Variants in TTN observed in about 807,000 individuals in gnomAD.
TTN encodes the protein connectin.
TTN carries 1,525 observed loss-of-function variants against 3,223.0 expected under a neutral mutation model. The ratio of observed to expected loss-of-function variants is 0.47; its 90% confidence interval spans 0.45 to 0.49. TTN has a LOEUF of 0.49. Ranked by LOEUF, TTN falls within the 20% of genes least tolerant of loss-of-function variation. TTN has a pLI of 0.00. For missense variants in TTN, 40,786 were observed against 43,424.0 expected, an observed-to-expected ratio of 0.94 and a Z score of 5.40; for synonymous variants, 14,094 against 15,161.0, an observed-to-expected ratio of 0.93 and a Z score of 5.17.
At position 178,764,646 on chromosome 2, in the gene TTN, T is replaced by C. The variant is rs2090030791; in HGVS notation, c.9869A>G (p.Asp3290Gly). The change falls in exon 42 of 363, where the codon GAT (aspartate) becomes GGT (glycine). Residue 3290 changes from aspartate (D) to glycine (G), a missense_variant. Asp to Gly is a moderately conservative substitution (Grantham distance 94). Coordinates refer to ENST00000589042, the MANE Select transcript of TTN (RefSeq NM_001267550.2). Reference protein sequence around the residue: ...STGFKCKFLHDGQEYTLLLIE... With the variant: ...STGFKCKFLHGGQEYTLLLIE... ...TAGCAAAAGCGTGTATTCTTGCCCA[T>C]CATGAAGAAATTTGCACTTGAAGCC... The C allele has an allele frequency of 6.2e-7, 1 of 1,614,052 alleles. No individual in the cohort carries two copies. The highest frequency in any genetic ancestry group is 8.5e-7 in the Non-Finnish European group (1 of 1,179,984).
In TTN at chr2:178,707,724, C is replaced by T. The variant is rs780834082; in HGVS notation, c.28843G>A (p.Gly9615Arg). ...CACTGGATCCTAATTGGCTCAGATC[C>T]CTGGACATGGCAGCTGAGCTGCACG... Reference protein sequence around the residue: ...EYVQLSCHVQGSEPIRIQWLK... With the variant: ...EYVQLSCHVQRSEPIRIQWLK... The change falls in exon 100 of 363, where the codon GGA (glycine) becomes AGA (arginine). Residue 9615 changes from glycine (G) to arginine (R), a missense_variant. Transcript: ENST00000589042. The T allele has an allele frequency of 6.2e-7, 1 of 1,613,962 alleles. No homozygotes were observed. Among genetic ancestry groups the T allele is most frequent in the South Asian group, 1.1e-5 (1 of 91,078 alleles).
rs946077641 is a variant in TTN at position 178,640,604 on chromosome 2, C to T, written c.40660G>A (p.Val13554Ile). The stretch of plus-strand genomic sequence containing the variant: ...ACAGTAGGTACTTCAACCTCTTCAA[C>T]AGGTTTTGGAGGTGGTGGTTCTGGT... ...AVPEPPPPKP[V>I]EEVEVPTVTK... Residue 13554 changes from valine (V) to isoleucine (I), a missense_variant, in exon 221 of 363, where the codon GTT (valine) becomes ATT (isoleucine). Physicochemically the swap from Val to Ile is conservative, Grantham distance 29. Coordinates refer to ENST00000589042, the MANE Select transcript of TTN (RefSeq NM_001267550.2). The T allele has an allele frequency of 1.3e-6, 2 of 1,593,274 alleles. No homozygotes were observed. The highest frequency in any genetic ancestry group is 1.8e-5 in the Admixed American group (1 of 55,450).
At chr2:178,594,885 AG>A (rs1369273263) in intron 295 of TTN, among the ~76,000 whole-genome samples, 1 of 152,142 alleles carries the variant, frequency 6.6e-6, no homozygotes, top group East Asian at 1.9e-4. Flanking sequence ...AATTTAGGAA[AG>A]GTCTTCAGAA....
At chr2:178,586,866 T>C in intron 307 of TTN, 59 bp from the exon 308 acceptor site, 1 of 1,578,090 alleles carries the variant, frequency 6.3e-7, no homozygotes, top group South Asian at 1.2e-5. Context: ...TCCCCTTTGT[T>C]AATGTACATA....
Position 178,799,591 on chromosome 2 carries a change from A to G in TTN, c.810T>C (p.Ser270=), listed in dbSNP as rs1426100640. The change falls in exon 6 of 363, where the codon TCT becomes TCC. Residue 270 remains serine, a synonymous_variant. Transcript: ENST00000589042. ...GAGCCAGCTGTGCTTTGGCAGCAAT[A>G]GACGGTGGTGTTGGGGATCTTGACT... is the stretch of plus-strand genomic sequence containing the variant. ...KPKSRSPTPP[S]IAAKAQLARQ... is the part of the protein sequence containing the mutation. 1.9e-6 allele frequency: 3 copies of G among 1,614,132 alleles called. No homozygotes were observed. Among genetic ancestry groups the G allele is most frequent in the Non-Finnish European group, 2.5e-6 (3 of 1,180,014 alleles).
intron 242 of TTN, 49 bp from the exon 243 acceptor site, chr2:178,622,816 C>T: frequency 7.3e-7 from 1 of 1,371,846 alleles, no homozygotes; most frequent in Non-Finnish European, 1.0e-6. Context: ...TGGAAATTTA[C>T]TCTGACATTA....
At chr2:178,607,726 T>TAAA in intron 276 of TTN, 41 bp from the exon 277 acceptor site, 1 of 1,611,524 alleles carries the variant, frequency 6.2e-7, no homozygotes, top group Non-Finnish European at 8.5e-7. Context: ...CATGAAAGAT[T>TAAA]AAAAAATAGT....
At position 178,572,200 on chromosome 2, in the gene TTN, T is replaced by G; in HGVS notation, c.73932A>C (p.Gly24644=). 1 of 1,613,482 alleles carries G rather than the reference T, an allele frequency of 6.2e-7. No homozygotes were observed. Among genetic ancestry groups the G allele is most frequent in the Non-Finnish European group, 8.5e-7 (1 of 1,179,622 alleles). The stretch of plus-strand genomic sequence containing the variant: ...CAATGTAGCCTAGAATTCGGCTGCC[T>G]CCATCATGCTCTGGTTTCTCCCAAG... ...SLSWEKPEHD[G]GSRILGYIVE... Residue 24644 remains glycine, a synonymous_variant, in exon 326 of 363, where the codon GGA becomes GGC. Transcript: ENST00000589042.
In TTN at chr2:178,581,913, G is replaced by T; in HGVS notation, c.66456C>A (p.Asp22152Glu). 6.2e-7 allele frequency: 1 copy of T among 1,613,024 alleles called. No individual in the cohort carries two copies. Among genetic ancestry groups the T allele is most frequent in the South Asian group, 1.1e-5 (1 of 91,040 alleles). Residue 22152 changes from aspartate to glutamate, a missense_variant, in exon 315 of 363, where the codon GAC (aspartate) becomes GAA (glutamate). Coordinates refer to ENST00000589042, the MANE Select transcript of TTN (RefSeq NM_001267550.2). ...TCGTTCATGAACACTTACACTGAGGGTCCCGAGCATAAGCGGCCTTGGATG... is the reference window on the plus strand; with the variant it reads ...TCGTTCATGAACACTTACACTGAGGTTCCCGAGCATAAGCGGCCTTGGATG... ...SDASKAAYAR[D>E]PQYPPGPPAF...
chr2:178,696,163 C>CT lies in TTN; in HGVS notation c.30908dup (p.Gln10304AlafsTer12). On this transcript the variant is annotated frameshift_variant, in exon 114 of 363. Coordinates refer to ENST00000589042, the MANE Select transcript of TTN (RefSeq NM_001267550.2). LOFTEE classifies it high-confidence loss of function. ...CTCTCTTCTCCTTGTGGACTGCTTG[C>CT]TTTTTCTCATACACAGCTTCTTTTT... 6.4e-7 allele frequency: 1 copy of CT among 1,556,250 alleles called. No homozygotes were observed. Among genetic ancestry groups the CT allele is most frequent in the Non-Finnish European group, 8.7e-7 (1 of 1,148,652 alleles).
chr2:178,773,955 T>C lies in TTN; in HGVS notation c.7213A>G (p.Ile2405Val), dbSNP rs1055161708. The C allele has an allele frequency of 1.2e-6, 2 of 1,614,122 alleles. No individual in the cohort carries two copies. Among genetic ancestry groups the C allele is most frequent in the South Asian group, 1.1e-5 (1 of 91,080 alleles). The change falls in exon 31 of 363, where the codon ATA becomes GTA. Residue 2405 changes from isoleucine (I) to valine (V), a missense_variant. Physicochemically the swap from Ile to Val is conservative, Grantham distance 29. Coordinates refer to ENST00000589042, the MANE Select transcript of TTN (RefSeq NM_001267550.2). ...VQPSDRVHIV[I>V]DKQSHMLLIE... ...AGCAGCATATGAGATTGTTTGTCTA[T>C]CACAATGTGAACCCTGTCACTGGGC...
In TTN at chr2:178,636,450, AAC is replaced by A. The variant is rs1576745536; in HGVS notation, c.41275_41276del (p.Val13759PhefsTer13). On this transcript the variant is annotated frameshift_variant, in exon 225 of 363. Transcript: ENST00000589042. LOFTEE classifies it high-confidence loss of function. The surrounding 1 kb of genome is among the most constrained non-coding windows in gnomAD (Gnocchi z 4.3). ...QLSDAGEYTC[V>X]LRLGNKEKTS... The stretch of plus-strand genomic sequence containing the variant: ...TCTTTTCTTTGTTTCCCAAACGTAA[AAC>A]ACAGGTGTATTCACCAGCATCGGAA... 1 of 1,612,628 alleles carries A rather than the reference AAC, an allele frequency of 6.2e-7. No homozygotes were observed. The highest frequency in any genetic ancestry group is 8.5e-7 in the Non-Finnish European group (1 of 1,179,218).
At chr2:178,697,249 G>A in intron 112 of TTN, 81 bp from the exon 113 acceptor site, 1 of 1,214,802 alleles carries the variant, frequency 8.2e-7, no homozygotes, top group South Asian at 1.8e-5. Context: ...CCACATCATT[G>A]TTAGTTGTTT....
rs575517941 is a variant in TTN at position 178,666,877 on chromosome 2, A to G, written c.35822T>C (p.Ile11941Thr). ...AACAATAGGAGTTTCTCCCTCTGGA[A>G]TGACTTCCTTGAAGACTTCAAACTC... Reference protein sequence around the residue: ...TEEFEVFKEVIPEGETPIVKR... With the variant: ...TEEFEVFKEVTPEGETPIVKR... Residue 11941 changes from isoleucine (I) to threonine (T), a missense_variant, in exon 163 of 363, where the codon ATT (isoleucine) becomes ACT (threonine). Ile to Thr is a moderately conservative substitution (Grantham distance 89). Transcript: ENST00000589042. 3.0e-5 allele frequency: 47 copies of G among 1,569,148 alleles called. No individual in the cohort carries two copies. The East Asian group carries it at 1.0e-3, about 35-fold the overall frequency.
chr2:178,594,286 T>C, intron 296 of TTN, 44 bp from the exon 297 acceptor site: 1 of 1,596,194 alleles, frequency 6.3e-7, no homozygotes, highest in African/African-American at 1.4e-5. Context: ...TATTGATGTC[T>C]TATTACAAAT....
rs745507843 is a variant in TTN, at chr2:178,652,869, G to C, written c.38938C>G (p.Pro12980Ala). ...ATACCTTTAACAGGAGGGACTTCAG[G>C]CTTTTTAGGAGGAGCCAAGGGCATT... ...KKMPLAPPKK[P>A]EVPPVKVPEA... The change falls in exon 200 of 363, where the codon CCT becomes GCT. Residue 12980 changes from proline (P) to alanine (A), a missense_variant. Transcript: ENST00000589042. 4.7e-5 allele frequency: 76 copies of C among 1,611,728 alleles called. No individual in the cohort carries two copies. The highest frequency in any genetic ancestry group is 1.0e-4 in the Admixed American group (6 of 59,634).
chr2:178,738,446 A>G, intron 48 of TTN, 86 bp from the exon 49 acceptor site: 2 of 1,456,000 alleles, frequency 1.4e-6, no homozygotes, highest in Non-Finnish European at 1.8e-6. Flanking sequence ...GTTGCTGTTA[A>G]TGGAGTAAAA....
chr2:178,603,779 A>G (rs2054096369), intron 282 of TTN, 97 bp downstream of exon 282: 3 of 1,175,250 alleles, frequency 2.6e-6, no homozygotes, highest in Non-Finnish European at 2.3e-6. Flanking sequence ...AAATAAAATA[A>G]TTTGGCATAG....
chr2:178,699,437 AGTCC>A (rs2074422326), intron 111 of TTN, among the ~76,000 whole-genome samples: 4 of 64,906 alleles, frequency 6.2e-5, no homozygotes, highest in African/African-American at 2.2e-4. Flanking sequence ...TTTGAGACGG[AGTCC>A]CGCTGTTTAG....
Sources: gnomAD v4.1 joint callset for allele counts (sites outside exome capture counted in the v4.1 genomes callset) on GRCh38, gnomAD v4.1.1 for gene constraint, Gnocchi (gnomAD v3.1) non-coding constraint, MANE v1.5 for transcripts, NCBI Gene and HGNC (gene_info 2026-07-23, HGNC 2026-07-21) for gene names.